RGS7: variants seen among roughly 807,000 people sequenced by gnomAD.
RGS7 encodes the protein regulator of G-protein signaling 7.
In RGS7, 27 loss-of-function variants were observed where a neutral mutation model predicts 81.1. That is an observed-to-expected ratio of 0.33 (90% CI 0.25 to 0.46). The LOEUF (loss-of-function observed/expected upper bound fraction) is 0.46, where lower values mean the gene tolerates loss of function less well. Ranked by LOEUF, RGS7 falls within the 20% of genes least tolerant of loss-of-function variation. The pLI is 1.00. For synonymous variants in RGS7, 208 were observed against 207.7 expected (o/e 1.00, Z -0.01); for missense variants, 396 against 607.4 (o/e 0.65, Z 3.66).
intron 9 of RGS7, among the ~76,000 whole-genome samples, chr1:240,864,598 A>G (rs1265193678): frequency 6.6e-6 from 1 of 152,196 alleles, no homozygotes; most frequent in East Asian, 1.9e-4. Flanking sequence ...CAGATCCCAC[A>G]TTCCAGAATA....
At chr1:240,926,078 G>A (rs1488629014) in intron 6 of RGS7, among the ~76,000 whole-genome samples, 1 of 152,148 alleles carries the variant, frequency 6.6e-6, no homozygotes, top group Non-Finnish European at 1.5e-5. Context: ...TAGGTTGTCT[G>A]TTAATTCTGT....
At chr1:241,015,297 T>C (rs2059164009) in intron 3 of RGS7, among the ~76,000 whole-genome samples, 1 of 152,228 alleles carries the variant, frequency 6.6e-6, no homozygotes, top group Non-Finnish European at 1.5e-5. Context: ...TCTGGGCTAA[T>C]TGTTCTGCTG....
At chr1:241,156,125 T>C (rs981497626) in intron 2 of RGS7, among the ~76,000 whole-genome samples, 1 of 135,300 alleles carries the variant, frequency 7.4e-6, no homozygotes, top group Non-Finnish European at 1.5e-5. Flanking sequence ...GATAGAAAGA[T>C]AAATGATGAT....
intron 11 of RGS7, among the ~76,000 whole-genome samples, 167 bp downstream of exon 11, chr1:240,816,150 A>G (rs961923342): frequency 2.6e-5 from 4 of 152,240 alleles, no homozygotes; most frequent in Non-Finnish European, 5.9e-5. Flanking sequence ...AGTAATTACA[A>G]TACTTAAAAT....
chr1:241,241,414 A>G (rs1277086306), intron 2 of RGS7, among the ~76,000 whole-genome samples: 3 of 151,990 alleles, frequency 2.0e-5, no homozygotes, highest in African/African-American at 7.2e-5. Flanking sequence ...AATTGGGCTC[A>G]AGATTTCTTG....
intron 9 of RGS7, among the ~76,000 whole-genome samples, chr1:240,847,957 T>TA (rs1659399412): frequency 6.6e-6 from 1 of 152,144 alleles, no homozygotes; most frequent in African/African-American, 2.4e-5. Context: ...TACTAACAGA[T>TA]ATAAGGACAA....
chr1:241,122,600 T>C (rs1263566136), intron 2 of RGS7, among the ~76,000 whole-genome samples: 3 of 150,274 alleles, frequency 2.0e-5, no homozygotes, highest in African/African-American at 4.9e-5. Flanking sequence ...GAGGCAGAGA[T>C]TGCAGTGAGC....
chr1:240,889,529 G>T (rs2148135475), intron 6 of RGS7, among the ~76,000 whole-genome samples: 1 of 152,268 alleles, frequency 6.6e-6, no homozygotes, highest in South Asian at 2.1e-4. Flanking sequence ...CCTGGGAGCT[G>T]TGAGAGCAGT....
chr1:241,019,604 G>C (rs1416404968), intron 3 of RGS7, among the ~76,000 whole-genome samples: 3 of 152,224 alleles, frequency 2.0e-5, no homozygotes, highest in African/African-American at 7.2e-5. Context: ...AAAACATGCG[G>C]TGTTTGGTTT....
chr1:240,948,965 A>C (rs1679106009), intron 4 of RGS7, among the ~76,000 whole-genome samples: 1 of 152,050 alleles, frequency 6.6e-6, no homozygotes, highest in East Asian at 1.9e-4. Context: ...GCTGGGAAGA[A>C]ATGGCATTTT....
chr1:241,341,274 G>A (rs1212862225), intron 2 of RGS7, among the ~76,000 whole-genome samples: 2 of 152,174 alleles, frequency 1.3e-5, no homozygotes, highest in Admixed American at 6.5e-5. Context: ...TGAACAATGT[G>A]AGTCCCAGGT....
At chr1:241,061,979 T>A (rs1210374354) in intron 3 of RGS7, among the ~76,000 whole-genome samples, 1 of 152,238 alleles carries the variant, frequency 6.6e-6, no homozygotes, top group East Asian at 1.9e-4. Flanking sequence ...TCCATTCCAA[T>A]AAGGCTAATT....
chr1:240,851,214 G>A (rs576034813), intron 9 of RGS7, among the ~76,000 whole-genome samples: 3 of 152,340 alleles, frequency 2.0e-5, no homozygotes, highest in African/African-American at 7.2e-5. Context: ...GTGATTGTAA[G>A]TTGAGGCTAA....
chr1:240,966,272 A>G (rs1462892346), intron 4 of RGS7, among the ~76,000 whole-genome samples: 1 of 152,180 alleles, frequency 6.6e-6, no homozygotes, highest in Non-Finnish European at 1.5e-5. Context: ...GACACTTTAC[A>G]ATGGCTTAAA....
intron 5 of RGS7, among the ~76,000 whole-genome samples, chr1:240,932,804 G>A (rs1233154371): frequency 4.7e-5 from 7 of 149,454 alleles, no homozygotes; most frequent in African/African-American, 7.4e-5. Flanking sequence ...CACTGTGCCC[G>A]GCCTAAAAAC....
intron 4 of RGS7, among the ~76,000 whole-genome samples, chr1:240,965,669 C>A (rs572185848): frequency 1.3e-5 from 2 of 152,120 alleles, no homozygotes; most frequent in Admixed American, 1.3e-4. Context: ...ACTGTTTGCT[C>A]CCGTTTCTCT....
rs577669455 is a variant in RGS7, at chr1:241,265,786, CTTTTTTTTTTT to C, written c.78+89902_78+89912del. ...TCAAGTTACTGCCCTTTTCCTCGTC[CTTTTTTTTTTT>C]TTTTTTTTTTTTTTTAGACAGAGTT... On this transcript the variant is annotated intron_variant, in intron 2 of 18. Coordinates refer to ENST00000440928, the MANE Select transcript of RGS7 (RefSeq NM_001364886.1). Among the ~76,000 whole-genome samples, 49 of 90,264 alleles carry C rather than the reference CTTTTTTTTTTT, an allele frequency of 5.4e-4. No individual in the cohort carries two copies. In the South Asian group the frequency reaches 7.7e-3, roughly 14 times the overall value. The allele number at this position is 90,264 out of a possible 152,430, so 59.2% of individuals were successfully genotyped here.
At chr1:241,197,064 TA>T (rs2073134780) in intron 2 of RGS7, among the ~76,000 whole-genome samples, 1 of 150,972 alleles carries the variant, frequency 6.6e-6, no homozygotes, top group African/African-American at 2.4e-5. Context: ...TTCTAGATTT[TA>T]AACTTAATAT....
chr1:241,294,513 A>G (rs2079277755), intron 2 of RGS7, among the ~76,000 whole-genome samples: 1 of 152,354 alleles, frequency 6.6e-6, no homozygotes, highest in African/African-American at 2.4e-5. Context: ...TTTATTATTG[A>G]AGAAAAGGAA....
Sources: allele counts gnomAD v4.1 joint callset (sites outside exome capture counted in the v4.1 genomes callset), GRCh38; gene constraint gnomAD v4.1.1; transcripts MANE v1.5; gene names NCBI Gene and HGNC (gene_info 2026-07-23, HGNC 2026-07-21).